The following TOGARAM1 variants were observed in gnomAD, a reference collection of about 807,000 sequenced individuals.
The protein encoded by TOGARAM1 is TOG array regulator of axonemal microtubules 1, also known as TOG array regulator of axonemal microtubules protein 1.
A neutral mutation model predicts 166.6 loss-of-function variants in TOGARAM1; 100 were observed. The ratio of observed to expected loss-of-function variants is 0.60; its 90% confidence interval spans 0.51 to 0.71. TOGARAM1 has a LOEUF of 0.71. Ranked by LOEUF, TOGARAM1 falls within the 30% of genes least tolerant of loss-of-function variation. The probability of loss-of-function intolerance (pLI) is 0.00; values close to 1 mark genes in which losing one functional copy is unlikely to be tolerated. For synonymous variants in TOGARAM1, 758 were observed against 763.8 expected (o/e 0.99, Z 0.13); for missense variants, 2,029 against 2,102.7 (o/e 0.96, Z 0.69).
chr14:45,033,925 G>A (rs903135211), intron 11 of TOGARAM1, among the ~76,000 whole-genome samples: 2 of 152,194 alleles, frequency 1.3e-5, no homozygotes, highest in East Asian at 1.9e-4. Context: ...CACTTTGGGA[G>A]GCCAGATGAC....
At chr14:45,034,410 A>G (rs1177197798) in intron 11 of TOGARAM1, among the ~76,000 whole-genome samples, 4 of 152,204 alleles carry the variant, frequency 2.6e-5, no homozygotes, top group Non-Finnish European at 5.9e-5. Flanking sequence ...AATGCCAGAT[A>G]GAGCTCCACA....
At chr14:45,058,655 T>C (rs1431531718) in intron 16 of TOGARAM1, among the ~76,000 whole-genome samples, 1 of 152,206 alleles carries the variant, frequency 6.6e-6, no homozygotes, top group Admixed American at 6.5e-5. Flanking sequence ...GAGTGAGTTT[T>C]TTATAAGCAG....
rs1327599442 is a variant in TOGARAM1 at position 45,073,297 on chromosome 14, T to C, written c.5058T>C (p.Asp1686=). Residue 1686 remains aspartate, a splice_region_variant and synonymous_variant, in exon 20 of 20, where the codon GAT becomes GAC. Transcript: ENST00000361462. The stretch of plus-strand genomic sequence containing the variant: ...GTTTTTTATATTTTTATGTTTCAGA[T>C]ATTGTTACGGAACTTTATCAAAGGA... The part of the protein sequence containing the change: ...AKQDMTEKLA[D]IVTELYQRKP... The C allele has an allele frequency of 3.1e-6, 5 of 1,607,972 alleles. No individual in the cohort carries two copies. Among genetic ancestry groups the C allele is most frequent in the Non-Finnish European group, 4.2e-6 (5 of 1,177,290 alleles).
chr14:44,975,805 G>T (rs563836843), intron 1 of TOGARAM1, among the ~76,000 whole-genome samples: 24 of 146,196 alleles, frequency 1.6e-4, no homozygotes, highest in Admixed American at 4.1e-4. Context: ...AAGTGGGTTT[G>T]AACCATTTTT....
intron 11 of TOGARAM1, among the ~76,000 whole-genome samples, chr14:45,038,718 C>T (rs905959254): frequency 6.6e-6 from 1 of 152,144 alleles, no homozygotes; most frequent in African/African-American, 2.4e-5. Context: ...TTCTCGTTGC[C>T]CACAATGTCA....
chr14:44,981,904 C>T lies in TOGARAM1; in HGVS notation c.2047-13842C>T, dbSNP rs60138175. Among the ~76,000 whole-genome samples, 394 of 143,972 alleles carry T rather than the reference C, an allele frequency of 2.7e-3. 2 individuals are homozygous for T. The highest frequency in any genetic ancestry group is 1.0e-2 in the African/African-American group (384 of 38,444). 94.5% of individuals were successfully genotyped at this position (143,972 alleles called of 152,430 possible). On this transcript the variant is annotated intron_variant, in intron 1 of 19. Coordinates refer to ENST00000361462, the MANE Select transcript of TOGARAM1 (RefSeq NM_001308120.2). ...TGTTGTCCAGGCTGGAGTGCAGTGG[C>T]GCCATCTTGGCACACTGCAAACTCC...
At chr14:45,019,000 G>T (rs370331622) in intron 7 of TOGARAM1, among the ~76,000 whole-genome samples, 1 of 151,972 alleles carries the variant, frequency 6.6e-6, no homozygotes, top group African/African-American at 2.4e-5. Context: ...CATCACATTC[G>T]CACATCCAAA....
At chr14:44,975,765 C>T (rs1379551269) in intron 1 of TOGARAM1, among the ~76,000 whole-genome samples, 1 of 148,804 alleles carries the variant, frequency 6.7e-6, no homozygotes, top group African/African-American at 2.5e-5. Flanking sequence ...TCATGCCCGG[C>T]TTCCCCTGCC....
chr14:45,026,441 A>T (rs1046636632), intron 8 of TOGARAM1, among the ~76,000 whole-genome samples: 5 of 152,106 alleles, frequency 3.3e-5, no homozygotes, highest in Non-Finnish European at 7.4e-5. Context: ...ATTTGTCCTA[A>T]CTTCTTTGCT....
At chr14:44,982,530 G>A (rs1450818118) in intron 1 of TOGARAM1, among the ~76,000 whole-genome samples, 1 of 152,164 alleles carries the variant, frequency 6.6e-6, no homozygotes, top group Non-Finnish European at 1.5e-5. Flanking sequence ...CTTGCTTCAT[G>A]TGTATGTGGG....
At chr14:45,040,230 T>G (rs1881658323) in intron 11 of TOGARAM1, among the ~76,000 whole-genome samples, 1 of 151,736 alleles carries the variant, frequency 6.6e-6, no homozygotes, top group Non-Finnish European at 1.5e-5. Flanking sequence ...AAATAAGAAA[T>G]CAAAAGGAAA....
chr14:44,969,110 TTTCCTTCCTTCC>T (rs369302120), intron 1 of TOGARAM1, among the ~76,000 whole-genome samples: 1,775 of 139,188 alleles, frequency 0.013, 25 homozygotes, highest in Middle Eastern at 0.032. Flanking sequence ...TCTTTCTTTC[TTTCCTTCCTTCC>T]TTCCTTCCTT....
At chr14:45,011,300 T>C (rs1435280065) in intron 6 of TOGARAM1, among the ~76,000 whole-genome samples, 1 of 152,084 alleles carries the variant, frequency 6.6e-6, no homozygotes, top group Non-Finnish European at 1.5e-5. Flanking sequence ...TTAAGAATGA[T>C]TTGACTTGTT....
chr14:45,058,773 C>G (rs1173014300), intron 16 of TOGARAM1, among the ~76,000 whole-genome samples: 1 of 151,980 alleles, frequency 6.6e-6, no homozygotes, highest in Non-Finnish European at 1.5e-5. Flanking sequence ...AGATTTTGTT[C>G]CTGTCATATT....
intron 1 of TOGARAM1, among the ~76,000 whole-genome samples, chr14:44,972,128 G>A (rs1885919834): frequency 6.6e-6 from 1 of 152,076 alleles, no homozygotes; most frequent in Non-Finnish European, 1.5e-5. Context: ...TCATCCCCCA[G>A]CAACCCCTCT....
At chr14:45,008,880 GTTATAAAGT>G in intron 5 of TOGARAM1, 24 bp from the exon 6 acceptor site, 1 of 1,532,716 alleles carries the variant, frequency 6.5e-7, no homozygotes, top group Non-Finnish European at 8.9e-7. Flanking sequence ...AGGAATTTAT[GTTATAAAGT>G]TTATTGTTTT....
At position 45,052,291 on chromosome 14, in the gene TOGARAM1, T is replaced by G. The variant is rs1882410980; in HGVS notation, c.4314-145T>G. 7.9e-6 allele frequency: 5 copies of G among 631,724 alleles called. No homozygotes were observed. The South Asian group carries it at 1.2e-4, about 15-fold the overall frequency. The allele number at this position is 631,724 out of a possible 1,614,324, so 39.1% of individuals were successfully genotyped here. ...GGGTATCCTATACAGTTAGGATATC[T>G]ATATTTTCATGGTTATTTAATATAG... On this transcript the variant is annotated intron_variant, in intron 14 of 19. Transcript: ENST00000361462.
At chr14:44,998,649 A>G (rs1887548682) in intron 2 of TOGARAM1, among the ~76,000 whole-genome samples, 1 of 152,194 alleles carries the variant, frequency 6.6e-6, no homozygotes, top group Non-Finnish European at 1.5e-5. Context: ...AAATAAAATA[A>G]AATAAAAAGA....
chr14:45,012,207 T>A, intron 7 of TOGARAM1, 132 bp downstream of exon 7: 1 of 541,582 alleles, frequency 1.8e-6, no homozygotes. Context: ...TTTTACTCCT[T>A]AAAAGGTCCT....
Sources: allele counts gnomAD v4.1 joint callset (sites outside exome capture counted in the v4.1 genomes callset), GRCh38; gene constraint gnomAD v4.1.1; transcripts MANE v1.5; gene names NCBI Gene and HGNC (gene_info 2026-07-23, HGNC 2026-07-21).